Variants in COG6 observed in about 807,000 individuals in gnomAD.
COG6 encodes conserved oligomeric Golgi complex subunit 6.
COG6 carries 74 observed loss-of-function variants against 88.8 expected under a neutral mutation model. The observed-to-expected ratio is 0.83, with a 90% confidence interval of 0.69 to 1.01. COG6 has a LOEUF of 1.01. COG6 is among the 50% of genes least tolerant of loss of function. The probability of loss-of-function intolerance (pLI) is 0.00; values close to 1 mark genes in which losing one functional copy is unlikely to be tolerated. For synonymous variants in COG6, 286 were observed against 278.7 expected, an observed-to-expected ratio of 1.03 and a Z score of -0.26; for missense variants, 800 against 797.9, an observed-to-expected ratio of 1.00 and a Z score of -0.03.
Position 39,721,303 on chromosome 13 carries a change from A to G in COG6, c.1584+1476A>G, listed in dbSNP as rs75708170. On this transcript the variant is annotated intron_variant, in intron 15 of 18. Transcript: ENST00000455146. ...GCTTATTAGTTTATTCAAGTTATCT[A>G]TGTCCTTGCTTATTTTTGCCACCAT... Among the ~76,000 whole-genome samples the G allele has an allele frequency of 9.3e-3, 1,418 of 152,182 alleles. 13 individuals are homozygous for G. Among genetic ancestry groups the G allele is most frequent in the Admixed American group, 0.014 (213 of 15,262 alleles).
rs771553287 is a variant in COG6 at position 39,699,602 on chromosome 13, G to T, written c.1268G>T (p.Ser423Ile). 7.1e-7 allele frequency: 1 copy of T among 1,409,588 alleles called. No homozygotes were observed. The highest frequency in any genetic ancestry group is 1.4e-5 in the African/African-American group (1 of 70,984). The allele number at this position is 1,409,588 out of a possible 1,614,324, so 87.3% of individuals were successfully genotyped here. A position where few individuals can be genotyped will look rare whatever the true frequency, so the allele number is the denominator to read the frequency against. The change falls in exon 13 of 19, where the codon AGT becomes ATT. Residue 423 changes from serine to isoleucine, a missense_variant. By Grantham distance (142) the Ser-to-Ile change is moderately radical. Coordinates refer to ENST00000455146, the MANE Select transcript of COG6 (RefSeq NM_020751.3). ...IFFNSLSLHASKLMDKVELPP... is the reference protein window; with the variant it reads ...IFFNSLSLHAIKLMDKVELPP... ...TTCAATAGCTTGAGTCTTCATGCAA[G>T]TAAATTAATGGACAAGGTATGTTTG...
intron 18 of COG6, among the ~76,000 whole-genome samples, chr13:39,759,544 A>G (rs1880948946): frequency 1.3e-5 from 2 of 152,286 alleles, no homozygotes; most frequent in Admixed American, 1.3e-4. Flanking sequence ...AAATAGGCCT[A>G]CATATGGTTA....
chr13:39,668,808 GAA>G (rs1225582519), intron 4 of COG6, among the ~76,000 whole-genome samples: 1 of 150,474 alleles, frequency 6.6e-6, no homozygotes, highest in Non-Finnish European at 1.5e-5. Flanking sequence ...AAAAAGAAAA[GAA>G]AAGAAACAAT....
rs538872120 is a variant in COG6 at position 39,764,436 on chromosome 13, A to G, written c.1827-23899A>G. ...TTTTCTCCTCTTTTTCTTTTCTTGA[A>G]ATGGAAGCTTATATTATTGATTTTC... On this transcript the variant is annotated intron_variant, in intron 18 of 18. Transcript: ENST00000416691. Among the ~76,000 whole-genome samples, 17 of 151,222 alleles carry G rather than the reference A, an allele frequency of 1.1e-4. No homozygotes were observed. The South Asian group carries it at 3.5e-3, about 32-fold the overall frequency.
intron 18 of COG6, among the ~76,000 whole-genome samples, chr13:39,758,609 A>G (rs1250472965): frequency 6.6e-6 from 1 of 152,172 alleles, no homozygotes; most frequent in Non-Finnish European, 1.5e-5. Context: ...ATGTGGAGAA[A>G]TTGGAACTCC....
downstream of COG6, among the ~76,000 whole-genome samples, chr13:39,754,629 G>A (rs1460447084): frequency 6.6e-6 from 1 of 152,106 alleles, no homozygotes; most frequent in African/African-American, 2.4e-5. Flanking sequence ...CATAGGGCCT[G>A]GGCTAAAGTT....
Position 39,687,616 on chromosome 13 carries a change from C to G in COG6, c.902C>G (p.Ser301Cys). The G allele has an allele frequency of 6.2e-7, 1 of 1,613,920 alleles. No individual in the cohort carries two copies. The highest frequency in any genetic ancestry group is 8.5e-7 in the Non-Finnish European group (1 of 1,180,000). Reference sequence around the variant, plus strand: ...ACACCTAGACCAATTGAAATGCATTCTCATGACCCTTTGAGGTATAGTAAT... The same window carrying G: ...ACACCTAGACCAATTGAAATGCATTGTCATGACCCTTTGAGGTATAGTAAT... ...GGTPRPIEMHSHDPLRYVGDM... is the reference protein window; with the variant it reads ...GGTPRPIEMHCHDPLRYVGDM... Residue 301 changes from serine (S) to cysteine (C), a missense_variant, in exon 9 of 19, where the codon TCT becomes TGT. Ser to Cys is a moderately radical substitution (Grantham distance 112). Coordinates refer to ENST00000455146, the MANE Select transcript of COG6 (RefSeq NM_020751.3).
At position 39,715,273 on chromosome 13, in the gene COG6, A is replaced by C. The variant is rs113583060; in HGVS notation, c.1285-3963A>C. ...TATATACTCCTCTCTCTCTCTCTCT[A>C]TACACACACACACACACACAAACAC... On this transcript the variant is annotated intron_variant, in intron 13 of 18. Transcript: ENST00000455146. 1.1e-3 allele frequency among the ~76,000 whole-genome samples: 124 copies of C among 109,634 alleles called. 1 individual carries two copies. The highest frequency in any genetic ancestry group is 1.7e-3 in the Non-Finnish European group (86 of 49,808). The allele number at this position is 109,634 out of a possible 152,430, so 71.9% of individuals were successfully genotyped here. A position where few individuals can be genotyped will look rare whatever the true frequency, so the allele number is the denominator to read the frequency against.
chr13:39,663,483 G>A (rs1195967557), intron 3 of COG6, among the ~76,000 whole-genome samples: 1 of 152,144 alleles, frequency 6.6e-6, no homozygotes, highest in Non-Finnish European at 1.5e-5. Flanking sequence ...AGGCAAGACT[G>A]TACAAGGGTG....
chr13:39,771,637 T>A (rs567609627), intron 18 of COG6, among the ~76,000 whole-genome samples: 20 of 152,366 alleles, frequency 1.3e-4, no homozygotes, highest in Admixed American at 1.2e-3. Flanking sequence ...TTTTCTTACT[T>A]GCCTGAGGAA....
chr13:39,753,075 G>A (rs1880719984), downstream of COG6, among the ~76,000 whole-genome samples: 1 of 152,178 alleles, frequency 6.6e-6, no homozygotes, highest in African/African-American at 2.4e-5. Context: ...TGATTACAGT[G>A]TTCAAATGGG....
At chr13:39,655,975 T>G in intron 1 of COG6, 96 bp downstream of exon 1, 1 of 1,458,924 alleles carries the variant, frequency 6.9e-7, no homozygotes, top group Non-Finnish European at 9.4e-7. Flanking sequence ...GTCTCCCTCG[T>G]CCCGGCAGCA....
chr13:39,706,247 A>G (rs1281295466), intron 13 of COG6, among the ~76,000 whole-genome samples: 1 of 73,690 alleles, frequency 1.4e-5, no homozygotes, highest in Non-Finnish European at 2.8e-5. Flanking sequence ...ATATATATAT[A>G]TACTCCTTTA....
intron 18 of COG6, among the ~76,000 whole-genome samples, chr13:39,738,130 C>T (rs190156601): frequency 7.2e-5 from 11 of 152,246 alleles, no homozygotes; most frequent in East Asian, 1.9e-4. Context: ...ACTATGATTG[C>T]TCACCTAATT....
intron 13 of COG6, among the ~76,000 whole-genome samples, chr13:39,717,861 A>AAAAAAC (rs988021627): frequency 1.3e-5 from 2 of 152,166 alleles, no homozygotes; most frequent in East Asian, 1.9e-4. Flanking sequence ...TGTCAAAAAC[A>AAAAAAC]AAAAACAAAA....
intron 18 of COG6, among the ~76,000 whole-genome samples, chr13:39,771,696 T>A (rs1481802552): frequency 2.0e-5 from 3 of 152,256 alleles, no homozygotes; most frequent in Non-Finnish European, 4.4e-5. Flanking sequence ...GTTTTGAGCA[T>A]CCCTGAAAGT....
chr13:39,697,219 A>G (rs1023690733), intron 12 of COG6, among the ~76,000 whole-genome samples: 9 of 151,742 alleles, frequency 5.9e-5, no homozygotes, highest in Non-Finnish European at 1.3e-4. Flanking sequence ...GTTTTCAGAA[A>G]ACAGATGACA....
chr13:39,788,708 C>G (rs561693506), exon 19 of COG6: 63 of 219,640 alleles, frequency 2.9e-4, no homozygotes, highest in Middle Eastern at 1.6e-3. Context: ...TTGTTCTTAT[C>G]TCAAATATGT....
chr13:39,687,712 G>A lies in COG6; in HGVS notation c.922G>A (p.Val308Ile), dbSNP rs778877218. The change falls in exon 10 of 19, where the codon GTA becomes ATA. Residue 308 changes from valine (V) to isoleucine (I), a missense_variant. Transcript: ENST00000455146. ...TTAACATTTAGTTTTCATTAGGTATGTAGGAGATATGTTGGCTTGGCTCCA... is the reference window on the plus strand; with the variant it reads ...TTAACATTTAGTTTTCATTAGGTATATAGGAGATATGTTGGCTTGGCTCCA... ...EMHSHDPLRY[V>I]GDMLAWLHQA... The A allele has an allele frequency of 1.2e-6, 2 of 1,614,024 alleles. No individual in the cohort carries two copies. Among genetic ancestry groups the A allele is most frequent in the East Asian group, 4.5e-5 (2 of 44,880 alleles).
Sources: gnomAD v4.1 joint callset for allele counts (sites outside exome capture counted in the v4.1 genomes callset) on GRCh38, gnomAD v4.1.1 for gene constraint, MANE v1.5 for transcripts, NCBI Gene and HGNC (gene_info 2026-07-23, HGNC 2026-07-21) for gene names.